Variants in DIABLO observed in about 807,000 individuals in gnomAD.
DIABLO encodes the protein diablo homolog, mitochondrial.
In DIABLO, 32 loss-of-function variants were observed where a neutral mutation model predicts 31.7. The ratio of observed to expected loss-of-function variants is 1.01; its 90% CI spans 0.76 to 1.35. The LOEUF (loss-of-function observed/expected upper bound fraction) is 1.35, where lower values mean the gene tolerates loss of function less well. Among genes scored for constraint, DIABLO ranks in the 40% most tolerant of loss-of-function variants. DIABLO has a pLI of 0.00. For missense variants in DIABLO, 316 were observed against 286.4 expected, an observed-to-expected ratio of 1.10 and a Z score of -0.75; for synonymous variants, 132 against 103.2, an observed-to-expected ratio of 1.28 and a Z score of -1.69.
chr12:122,208,962 C>CCT, intron 5 of DIABLO: 2 of 361,744 alleles, frequency 5.5e-6, no homozygotes, highest in South Asian at 4.3e-5. Context: ...ATCACCTTGA[C>CCT]TAATCTTTAA....
At chr12:122,211,883 CTTGAA>C (rs1227110836) in intron 5 of DIABLO, among the ~76,000 whole-genome samples, 1 of 151,960 alleles carries the variant, frequency 6.6e-6, no homozygotes, top group Non-Finnish European at 1.5e-5. Context: ...TACTTTTTAT[CTTGAA>C]TTCTTTGATT....
rs369526852 is a variant in DIABLO, at chr12:122,224,733, C to G, written c.51-89G>C. ...CTTGCAGGGGCTGTAAACTCAAACT[C>G]GAGCCAAGCAGGAACCTAAATGAGG... is the stretch of plus-strand genomic sequence containing the variant. On this transcript the variant is annotated intron_variant, in intron 1 of 5. Transcript: ENST00000464942. 2.0e-4 allele frequency: 319 copies of G among 1,611,782 alleles called. No individual in the cohort carries two copies. The highest frequency in any genetic ancestry group is 2.5e-4 in the Non-Finnish European group (294 of 1,179,182).
chr12:122,225,171 C>CAGTG (rs1402088826), intron 1 of DIABLO: 1 of 262,102 alleles, frequency 3.8e-6, no homozygotes, highest in Non-Finnish European at 7.4e-6. Context: ...CGAGAGCGCC[C>CAGTG]CACTGCACTT....
At chr12:122,219,976 C>T (rs1247221303) in intron 2 of DIABLO, among the ~76,000 whole-genome samples, 3 of 150,172 alleles carry the variant, frequency 2.0e-5, no homozygotes, top group East Asian at 2.0e-4. Context: ...CAGAGTCTCA[C>T]TCTATCACCC....
At chr12:122,216,424 A>C in intron 5 of DIABLO, 64 bp downstream of exon 5, 2 of 1,393,774 alleles carry the variant, frequency 1.4e-6, no homozygotes, top group Admixed American at 1.8e-5. Flanking sequence ...CCAGATGAAA[A>C]CTCAAATGGT....
Position 122,207,873 on chromosome 12 carries a change from G to C in DIABLO, c.*508C>G, listed in dbSNP as rs1265882253. ...GGTTTTTCACTCCTTGGCCTCAGCT[G>C]TCCTCACAGGACAGTGGGGGCAGAT... is the stretch of plus-strand genomic sequence containing the variant. On this transcript the variant is annotated 3_prime_UTR_variant, in exon 6 of 6. Coordinates refer to ENST00000464942, the MANE Select transcript of DIABLO (RefSeq NM_001371333.1). The C allele has an allele frequency of 2.2e-6, 1 of 460,652 alleles. No individual in the cohort carries two copies. Among genetic ancestry groups the C allele is most frequent in the East Asian group, 6.9e-5 (1 of 14,554 alleles). The allele number at this position is 460,652 out of a possible 1,614,324, so 28.5% of individuals were successfully genotyped here.
At chr12:122,219,994 A>T (rs1451617627) in intron 2 of DIABLO, among the ~76,000 whole-genome samples, 1 of 147,976 alleles carries the variant, frequency 6.8e-6, no homozygotes. Flanking sequence ...CCCAGGCTGG[A>T]GTGCAGTGGT....
At chr12:122,210,473 C>T (rs914708240) in intron 5 of DIABLO, among the ~76,000 whole-genome samples, 2 of 150,792 alleles carry the variant, frequency 1.3e-5, no homozygotes, top group African/African-American at 2.4e-5. Context: ...CCCGGGTTCA[C>T]GCCATTCTCC....
chr12:122,226,113 A>T (rs1008575041), upstream of DIABLO: 1 of 1,500,556 alleles, frequency 6.7e-7, no homozygotes, highest in Non-Finnish European at 9.0e-7. Context: ...CTCGCCCCAT[A>T]GCCACGCCCC....
chr12:122,212,531 C>T (rs1033161417), intron 5 of DIABLO, among the ~76,000 whole-genome samples: 1 of 152,052 alleles, frequency 6.6e-6, no homozygotes, highest in African/African-American at 2.4e-5. Flanking sequence ...GATTCTACTT[C>T]CTTTGTAGGT....
chr12:122,218,374 A>T lies in DIABLO; in HGVS notation c.207T>A (p.Ser69Arg). ...IAQKSEPHSL[S>R]SEALMRRAVS... ...CTGCTCTCCTCATCAATGCTTCACTACTAAGGGAATGAGGCTCTGATTTCT... is the reference window on the plus strand; with the variant it reads ...CTGCTCTCCTCATCAATGCTTCACTTCTAAGGGAATGAGGCTCTGATTTCT... The change falls in exon 3 of 6, where the codon AGT (serine) becomes AGA (arginine). Residue 69 changes from serine to arginine, a missense_variant. Transcript: ENST00000464942. 1.2e-6 allele frequency: 2 copies of T among 1,614,182 alleles called. No homozygotes were observed. Among genetic ancestry groups the T allele is most frequent in the Non-Finnish European group, 1.7e-6 (2 of 1,180,032 alleles).
chr12:122,215,903 AAAG>A (rs1297183223), intron 5 of DIABLO, among the ~76,000 whole-genome samples: 6 of 150,686 alleles, frequency 4.0e-5, no homozygotes, highest in Non-Finnish European at 7.4e-5. Flanking sequence ...AAAAAAAAAA[AAAG>A]ACCTACTCAG....
At chr12:122,209,626 C>G in intron 5 of DIABLO, 1 of 635,222 alleles carries the variant, frequency 1.6e-6, no homozygotes, top group Non-Finnish European at 2.9e-6. Flanking sequence ...GATCGCGCCA[C>G]TTCACTCCAG....
chr12:122,212,688 G>A (rs1369559875), intron 5 of DIABLO, among the ~76,000 whole-genome samples: 2 of 150,250 alleles, frequency 1.3e-5, no homozygotes, highest in African/African-American at 4.9e-5. Flanking sequence ...GCAGTGGTGT[G>A]ATCTCTGCTC....
chr12:122,226,222 CT>C (rs147128668), upstream of DIABLO: 6,677 of 821,764 alleles, frequency 8.1e-3, 296 homozygotes, highest in African/African-American at 0.1. Flanking sequence ...ACCGCCGGAA[CT>C]TCCGCGCGGG....
intron 5 of DIABLO, among the ~76,000 whole-genome samples, chr12:122,213,507 G>GGAAAAA (rs1555243478): frequency 1.5e-5 from 2 of 136,554 alleles, no homozygotes; most frequent in East Asian, 2.2e-4. Context: ...TTGTCTCAGG[G>GGAAAAA]AAAAAAAAAA....
At chr12:122,225,382 G>C in intron 1 of DIABLO, 2 of 990,788 alleles carry the variant, frequency 2.0e-6, no homozygotes, top group Non-Finnish European at 2.4e-6. Context: ...GGCAGATCTT[G>C]TCTCAAAAAA....
chr12:122,226,790 G>A (rs1954489115), upstream of DIABLO: 2 of 536,234 alleles, frequency 3.7e-6, no homozygotes, highest in African/African-American at 2.0e-5. Flanking sequence ...GATCCGGGCT[G>A]AGGAGGCAGA....
chr12:122,224,643 AC>A lies in DIABLO; in HGVS notation c.51del (p.Arg17SerfsTer22). The A allele has an allele frequency of 6.2e-7, 1 of 1,614,190 alleles. No homozygotes were observed. The highest frequency in any genetic ancestry group is 8.5e-7 in the Non-Finnish European group (1 of 1,180,034). ...WLSRSVTSFF[R>X]YRQCLCVPVV... ...ACAGGAACACACAAACACTGTCTGTACCTGGAAGTAGAAGTCAGATTTCATA... is the reference window on the plus strand; with the variant it reads ...ACAGGAACACACAAACACTGTCTGTACTGGAAGTAGAAGTCAGATTTCATA... On this transcript the variant is annotated frameshift_variant and splice_region_variant, in exon 2 of 6. Transcript: ENST00000464942. LOFTEE classifies it high-confidence loss of function.
Sources: gnomAD v4.1 joint callset for allele counts (sites outside exome capture counted in the v4.1 genomes callset) on GRCh38, gnomAD v4.1.1 for gene constraint, MANE v1.5 for transcripts, NCBI Gene and HGNC (gene_info 2026-07-23, HGNC 2026-07-21) for gene names.